The following CCN4 variants were observed in gnomAD, a reference collection of about 807,000 sequenced individuals.
CCN4 encodes cellular communication network factor 4.
Under a neutral mutation model 36.7 loss-of-function variants are expected in CCN4, and 30 were observed. The ratio of observed to expected loss-of-function variants is 0.82; its 90% CI spans 0.61 to 1.11. The LOEUF is 1.11. Ranked by LOEUF, CCN4 falls within the 50% of genes least tolerant of loss-of-function variation. CCN4 has a pLI of 0.00. For missense variants in CCN4, 505 were observed against 504.9 expected, an observed-to-expected ratio of 1.00 and a Z score of 0.00; for synonymous variants, 191 against 195.4, an observed-to-expected ratio of 0.98 and a Z score of 0.19.
chr8:133,204,164 T>C (rs1412774023), intron 1 of CCN4, among the ~76,000 whole-genome samples: 1 of 152,232 alleles, frequency 6.6e-6, no homozygotes, highest in Non-Finnish European at 1.5e-5. Context: ...GGTCTTATCA[T>C]CGGGAGATAC....
At chr8:133,226,981 G>A (rs1264503981) in intron 4 of CCN4, among the ~76,000 whole-genome samples, 1 of 152,232 alleles carries the variant, frequency 6.6e-6, no homozygotes, top group Non-Finnish European at 1.5e-5. Context: ...GGCCACGAGA[G>A]GCAAAGGCAG....
Position 133,215,368 on chromosome 8 carries a change from A to G in CCN4, c.349+2225A>G, listed in dbSNP as rs28421259. On this transcript the variant is annotated intron_variant, in intron 2 of 4. Transcript: ENST00000250160. ...GGGAAACCTGGCCTGGACTTCTTAC[A>G]CTAGAACCACCTCCAGTTATATGAG... Among the ~76,000 whole-genome samples, 804 of 152,254 alleles carry G rather than the reference A, an allele frequency of 5.3e-3. 6 individuals carry two copies. Among genetic ancestry groups the G allele is most frequent in the Admixed American group, 0.012 (179 of 15,290 alleles).
Position 133,229,425 on chromosome 8 carries a change from T to C in CCN4, c.*1715T>C, listed in dbSNP as rs977712054. On this transcript the variant is annotated 3_prime_UTR_variant, in exon 5 of 5. Coordinates refer to ENST00000250160, the MANE Select transcript of CCN4 (RefSeq NM_003882.4). ...TAGGTGCTTAAGCATCCAAAATACATGGGACACACAAAAATCCAGGAATCC... is the reference window on the plus strand; with the variant it reads ...TAGGTGCTTAAGCATCCAAAATACACGGGACACACAAAAATCCAGGAATCC... 2.0e-5 allele frequency: 3 copies of C among 152,242 alleles called. No homozygotes were observed. The highest frequency in any genetic ancestry group is 7.2e-5 in the African/African-American group (3 of 41,468). The allele number at this position is 152,242 out of a possible 1,614,324, so 9.4% of individuals were successfully genotyped here.
At position 133,212,927 on chromosome 8, in the gene CCN4, C is replaced by A. The variant is rs529938783; in HGVS notation, c.133C>A (p.Arg45Ser). The A allele has an allele frequency of 6.2e-7, 1 of 1,613,362 alleles. No individual in the cohort carries two copies. Among genetic ancestry groups the A allele is most frequent in the Non-Finnish European group, 8.5e-7 (1 of 1,179,600 alleles). ...AGCTCCACTGGAGGACACCTCCTCA[C>A]GCCCCCAATTCTGCAAGTGGCCATG... The part of the protein sequence containing the change: ...TPAPLEDTSS[R>S]PQFCKWPCEC... Residue 45 changes from arginine (R) to serine (S), a missense_variant, in exon 2 of 5, where the codon CGC (arginine) becomes AGC (serine). Arg to Ser is a moderately radical substitution (Grantham distance 110). Coordinates refer to ENST00000250160, the MANE Select transcript of CCN4 (RefSeq NM_003882.4).
In CCN4 at chr8:133,206,014, G is replaced by A. The variant is rs1853758169; in HGVS notation, c.70-6850G>A. Among the ~76,000 whole-genome samples the A allele has an allele frequency of 2.6e-5, 4 of 152,196 alleles. No homozygotes were observed. The South Asian group carries it at 8.3e-4, about 31-fold the overall frequency. ...TGTCCACTAAAGATAAGGGCCAGGTGTGGCTTAGGGGCCCGAGCTCCCGGG... is the reference window on the plus strand; with the variant it reads ...TGTCCACTAAAGATAAGGGCCAGGTATGGCTTAGGGGCCCGAGCTCCCGGG... On this transcript the variant is annotated intron_variant, in intron 1 of 4. Transcript: ENST00000250160.
chr8:133,207,782 G>A (rs1278958649), intron 1 of CCN4, among the ~76,000 whole-genome samples: 1 of 152,164 alleles, frequency 6.6e-6, no homozygotes, highest in African/African-American at 2.4e-5. Flanking sequence ...GGAACAGATG[G>A]GCGGCATGTG....
chr8:133,198,942 A>G (rs1853486155), intron 1 of CCN4, among the ~76,000 whole-genome samples: 1 of 152,244 alleles, frequency 6.6e-6, no homozygotes, highest in African/African-American at 2.4e-5. Context: ...ATGCCTGCAT[A>G]TTGCAGGTGC....
At position 133,225,466 on chromosome 8, in the gene CCN4, C is replaced by T. The variant is rs752675816; in HGVS notation, c.687C>T (p.Ser229=). Residue 229 remains serine (S), a synonymous_variant, in exon 4 of 5, where the codon AGC becomes AGT. Coordinates refer to ENST00000250160, the MANE Select transcript of CCN4 (RefSeq NM_003882.4). ...YTSPWSPCST[S]CGLGVSTRIS... ...GCCCCTGGAGCCCTTGCTCCACCAG[C>T]TGCGGCCTGGGGGTCTCCACTCGGA... 1 of 1,613,994 alleles carries T rather than the reference C, an allele frequency of 6.2e-7. No individual in the cohort carries two copies. The highest frequency in any genetic ancestry group is 1.3e-5 in the African/African-American group (1 of 74,928).
intron 1 of CCN4, among the ~76,000 whole-genome samples, chr8:133,193,506 A>T (rs1252825031): frequency 6.6e-6 from 1 of 152,136 alleles, no homozygotes; most frequent in Non-Finnish European, 1.5e-5. Flanking sequence ...TCATCTCTTT[A>T]TTCTTTTCTT....
At chr8:133,192,785 T>C (rs1167645806) in intron 1 of CCN4, among the ~76,000 whole-genome samples, 1 of 152,322 alleles carries the variant, frequency 6.6e-6, no homozygotes, top group East Asian at 1.9e-4. Context: ...GGTTTAAGCA[T>C]GAGTCCAAGT....
In CCN4 at chr8:133,212,968, C is replaced by T. The variant is rs781339241; in HGVS notation, c.174C>T (p.Ser58=). Residue 58 remains serine (S), a synonymous_variant, in exon 2 of 5, where the codon TCC becomes TCT. Coordinates refer to ENST00000250160, the MANE Select transcript of CCN4 (RefSeq NM_003882.4). Reference sequence around the variant, plus strand: ...AGTGGCCATGTGAGTGCCCGCCATCCCCACCCCGCTGCCCGCTGGGGGTCA... The same window carrying T: ...AGTGGCCATGTGAGTGCCCGCCATCTCCACCCCGCTGCCCGCTGGGGGTCA... ...FCKWPCECPP[S]PPRCPLGVSL... The T allele has an allele frequency of 6.2e-7, 1 of 1,614,108 alleles. No homozygotes were observed. The highest frequency in any genetic ancestry group is 8.5e-7 in the Non-Finnish European group (1 of 1,180,000).
chr8:133,199,860 G>A (rs1185115458), intron 1 of CCN4, among the ~76,000 whole-genome samples: 1 of 152,100 alleles, frequency 6.6e-6, no homozygotes, highest in Non-Finnish European at 1.5e-5. Flanking sequence ...GGCCCACGGC[G>A]AGCCCCTTCC....
intron 1 of CCN4, among the ~76,000 whole-genome samples, chr8:133,197,191 T>C (rs970257776): frequency 6.6e-6 from 1 of 152,074 alleles, no homozygotes; most frequent in African/African-American, 2.4e-5. Flanking sequence ...TTTCTGAGCC[T>C]ATTTCCTTTT....
rs71299053 is a variant in CCN4 at position 133,210,386 on chromosome 8, G to GGTGTGTGT, written c.70-2449_70-2442dup. On this transcript the variant is annotated intron_variant, in intron 1 of 4. Transcript: ENST00000250160. ...GTCTCTCCCCAAAGTCAAAAAGAGG[G>GGTGTGTGT]GTGTGTGTGTGTGTGTGTGTGTGTG... 2.8e-3 allele frequency among the ~76,000 whole-genome samples: 405 copies of GGTGTGTGT among 145,680 alleles called. 3 individuals are homozygous for GGTGTGTGT. Among genetic ancestry groups the GGTGTGTGT allele is most frequent in the African/African-American group, 9.9e-3 (389 of 39,108 alleles).
At position 133,191,097 on chromosome 8, in the gene CCN4, G is replaced by T. The variant is rs1218600881; in HGVS notation, c.-48G>T. 3.1e-6 allele frequency: 5 copies of T among 1,597,792 alleles called. No individual in the cohort carries two copies. Among genetic ancestry groups the T allele is most frequent in the Non-Finnish European group, 4.3e-6 (5 of 1,176,352 alleles). On this transcript the variant is annotated 5_prime_UTR_variant, in exon 1 of 5. It introduces an in-frame stop codon into an upstream open reading frame of the 5' UTR. Transcript: ENST00000250160. Reference sequence around the variant, plus strand: ...GGCCCAGCTCCCCCGAGAGGTGGTCGGATCCTCTGGGCTGCTCGGTCGATG... The same window carrying T: ...GGCCCAGCTCCCCCGAGAGGTGGTCTGATCCTCTGGGCTGCTCGGTCGATG...
chr8:133,196,573 T>C (rs1588179709), intron 1 of CCN4, among the ~76,000 whole-genome samples: 1 of 152,198 alleles, frequency 6.6e-6, no homozygotes, highest in East Asian at 1.9e-4. Flanking sequence ...CCTAAGGCTA[T>C]GATAACAGGT....
rs910358335 is a variant in CCN4 at position 133,213,825 on chromosome 8, G to C, written c.349+682G>C. 6.3e-5 allele frequency among the ~76,000 whole-genome samples: 9 copies of C among 143,814 alleles called. 1 individual carries two copies. In the South Asian group the frequency reaches 1.7e-3, roughly 27 times the overall value. The allele number at this position is 143,814 out of a possible 152,430, so 94.3% of individuals were successfully genotyped here. On this transcript the variant is annotated intron_variant, in intron 2 of 4. Transcript: ENST00000250160. ...ATATACTACATATACACTATATATA[G>C]TAGTTAAATATACTATATATACACT...
Position 133,221,919 on chromosome 8 carries a change from A to AGGAT in CCN4, c.610+1099_610+1102dup, listed in dbSNP as rs369465312. Among the ~76,000 whole-genome samples the AGGAT allele has an allele frequency of 4.0e-3, 592 of 146,910 alleles. 7 individuals are homozygous for AGGAT. Among genetic ancestry groups the AGGAT allele is most frequent in the African/African-American group, 0.014 (547 of 39,430 alleles). ...GATGGGTCAATTAATGGATGGATGG[A>AGGAT]GGATGGATGGATGGATGGATGGATA... On this transcript the variant is annotated intron_variant, in intron 3 of 4. Transcript: ENST00000250160.
Position 133,227,760 on chromosome 8 carries a change from G to C in CCN4, c.*50G>C. On this transcript the variant is annotated 3_prime_UTR_variant, in exon 5 of 5. Transcript: ENST00000250160. ...GGACTAACCCAATGCCTGTGAAGCA[G>C]TCAGCCCTTATGGCCAATAACTTTT... 1 of 1,573,108 alleles carries C rather than the reference G, an allele frequency of 6.4e-7. No homozygotes were observed. The highest frequency in any genetic ancestry group is 8.6e-7 in the Non-Finnish European group (1 of 1,158,198).
Sources: allele counts gnomAD v4.1 joint callset (sites outside exome capture counted in the v4.1 genomes callset), GRCh38; gene constraint gnomAD v4.1.1; transcripts MANE v1.5; gene names NCBI Gene and HGNC (gene_info 2026-07-23, HGNC 2026-07-21).